The following SRRM4 variants were observed in gnomAD, a reference collection of about 807,000 sequenced individuals.
SRRM4 encodes serine/arginine repetitive matrix protein 4.
SRRM4 carries 33 observed loss-of-function variants against 68.9 expected under a neutral mutation model. The observed-to-expected ratio is 0.48, with a 90% confidence interval of 0.36 to 0.64. The LOEUF is 0.64. Ranked by LOEUF, SRRM4 falls within the 30% of genes least tolerant of loss-of-function variation. SRRM4 has a pLI of 0.00. For missense variants in SRRM4, 817 were observed against 827.1 expected (o/e 0.99, Z 0.15); for synonymous variants, 318 against 318.8 (o/e 1.00, Z 0.03).
intron 1 of SRRM4, among the ~76,000 whole-genome samples, chr12:119,003,298 T>A (rs142410045): frequency 6.6e-6 from 1 of 151,746 alleles, no homozygotes; most frequent in African/African-American, 2.4e-5. Flanking sequence ...TCATCCAATC[T>A]AAGACCCAAA....
chr12:119,008,215 C>A (rs960322527), intron 1 of SRRM4, among the ~76,000 whole-genome samples: 11 of 151,888 alleles, frequency 7.2e-5, no homozygotes, highest in African/African-American at 2.7e-4. Flanking sequence ...ATGACAAAAG[C>A]CTCATCTCTA....
Position 118,981,866 on chromosome 12 carries a change from G to T in SRRM4, c.-17G>T, listed in dbSNP as rs370181611. The T allele has an allele frequency of 2.5e-6, 4 of 1,611,972 alleles. No homozygotes were observed. Among genetic ancestry groups the T allele is most frequent in the South Asian group, 2.2e-5 (2 of 90,682 alleles). On this transcript the variant is annotated 5_prime_UTR_variant, in exon 1 of 13. Transcript: ENST00000267260. ...TTTGGACAGCGCCCCGGACGCCCCG[G>T]CCCCTTTGGGTTGGCGATGGCGAGC...
At chr12:119,025,068 GT>G (rs1269227588) in intron 1 of SRRM4, among the ~76,000 whole-genome samples, 1 of 152,148 alleles carries the variant, frequency 6.6e-6, no homozygotes, top group Non-Finnish European at 1.5e-5. Context: ...TTGGAAGAGT[GT>G]TCTGGGCATT....
chr12:119,114,219 C>T, intron 2 of SRRM4, 59 bp from the exon 3 acceptor site: 1 of 1,484,630 alleles, frequency 6.7e-7, no homozygotes, highest in East Asian at 2.3e-5. Context: ...TGCACCAGCT[C>T]TGGTTGGGGA....
intron 2 of SRRM4, among the ~76,000 whole-genome samples, chr12:119,110,794 C>T (rs984798865): frequency 1.3e-5 from 2 of 152,202 alleles, no homozygotes; most frequent in Admixed American, 1.3e-4. Context: ...GATGCCCCGC[C>T]CTGCTTTGGC....
chr12:119,032,959 C>A (rs1953601381), intron 1 of SRRM4, among the ~76,000 whole-genome samples: 1 of 152,066 alleles, frequency 6.6e-6, no homozygotes, highest in Non-Finnish European at 1.5e-5. Context: ...AACTTTTGAT[C>A]TATAATTATA....
chr12:119,119,694 C>G (rs1954205757), intron 4 of SRRM4, among the ~76,000 whole-genome samples: 1 of 152,066 alleles, frequency 6.6e-6, no homozygotes, highest in Admixed American at 6.5e-5. Flanking sequence ...AGTACAGAAC[C>G]TGGCACACAG....
intron 1 of SRRM4, among the ~76,000 whole-genome samples, chr12:118,986,359 G>A (rs1035578175): frequency 2.0e-5 from 3 of 152,180 alleles, no homozygotes; most frequent in African/African-American, 7.2e-5. Flanking sequence ...CCTTTTGAAA[G>A]GTGAAATTTG....
At position 118,981,689 on chromosome 12, in the gene SRRM4, G is replaced by C. The variant is rs550749853; in HGVS notation, c.-194G>C. 1 of 610,722 alleles carries C rather than the reference G, an allele frequency of 1.6e-6. No individual in the cohort carries two copies. The highest frequency in any genetic ancestry group is 1.9e-5 in the African/African-American group (1 of 53,678). 37.8% of individuals were successfully genotyped at this position (610,722 alleles called of 1,614,324 possible). On this transcript the variant is annotated 5_prime_UTR_variant, in exon 1 of 13. Transcript: ENST00000267260. Reference sequence around the variant, plus strand: ...CCAGAAGGGCGAAGAAAGCCCAGCGGACGAGCCTCCTTTCTCTGCTGCCTG... The same window carrying C: ...CCAGAAGGGCGAAGAAAGCCCAGCGCACGAGCCTCCTTTCTCTGCTGCCTG...
intron 10 of SRRM4, 73 bp from the exon 11 acceptor site, chr12:119,153,466 A>G: frequency 9.8e-7 from 1 of 1,021,214 alleles, no homozygotes; most frequent in Non-Finnish European, 1.5e-6. Context: ...CCCGCTGAAT[A>G]AAGCTCAAGC....
chr12:119,129,872 A>AATGGATGGATGG (rs112594447), intron 7 of SRRM4, among the ~76,000 whole-genome samples: 2,211 of 136,966 alleles, frequency 0.016, 32 homozygotes, highest in Middle Eastern at 0.047. Context: ...TAGTTGGACA[A>AATGGATGGATGG]ATGGATGGAT....
Position 119,160,849 on chromosome 12 carries a change from T to A in SRRM4, c.*4051T>A, listed in dbSNP as rs1362541555. On this transcript the variant is annotated 3_prime_UTR_variant, in exon 13 of 13. Coordinates refer to ENST00000267260, the MANE Select transcript of SRRM4 (RefSeq NM_194286.4). ...ACGAAAAGCAAGATTTGATCTCCCTTCAGTTAATTAGGCAAGGCTAAGTAA... is the reference window on the plus strand; with the variant it reads ...ACGAAAAGCAAGATTTGATCTCCCTACAGTTAATTAGGCAAGGCTAAGTAA... 1.3e-5 allele frequency: 2 copies of A among 152,222 alleles called. No individual in the cohort carries two copies. The highest frequency in any genetic ancestry group is 2.9e-5 in the Non-Finnish European group (2 of 68,046). The allele number at this position is 152,222 out of a possible 1,614,324, so 9.4% of individuals were successfully genotyped here.
intron 1 of SRRM4, among the ~76,000 whole-genome samples, chr12:119,015,413 A>T (rs142874828): frequency 1.3e-5 from 2 of 152,282 alleles, no homozygotes; most frequent in Non-Finnish European, 1.5e-5. Flanking sequence ...GTGATCAATT[A>T]TAAACCAAAC....
intron 1 of SRRM4, among the ~76,000 whole-genome samples, chr12:119,002,256 T>G (rs1350037995): frequency 6.6e-6 from 1 of 152,196 alleles, no homozygotes; most frequent in Non-Finnish European, 1.5e-5. Context: ...AAGTTTCTCT[T>G]TGATCTTTGA....
intron 1 of SRRM4, among the ~76,000 whole-genome samples, chr12:118,994,467 T>C (rs1470029074): frequency 1.3e-5 from 2 of 152,122 alleles, no homozygotes; most frequent in Non-Finnish European, 2.9e-5. Flanking sequence ...CTACCCCTAC[T>C]CTAGTTCTTA....
At position 118,982,028 on chromosome 12, in the gene SRRM4, C is replaced by T; in HGVS notation, c.131+15C>T. 1 of 1,601,916 alleles carries T rather than the reference C, an allele frequency of 6.2e-7. No homozygotes were observed. The highest frequency in any genetic ancestry group is 8.5e-7 in the Non-Finnish European group (1 of 1,174,258). On this transcript the variant is annotated intron_variant, in intron 1 of 12. Transcript: ENST00000267260. ...CCGCTGCCAAGGTAATGATCTCCTT[C>T]TTAGAAGGGGGGATCCTGAAGGTCC...
At chr12:119,070,606 T>A (rs1268366502) in intron 1 of SRRM4, among the ~76,000 whole-genome samples, 1 of 152,104 alleles carries the variant, frequency 6.6e-6, no homozygotes, top group Admixed American at 6.5e-5. Flanking sequence ...ATAGGAAAAC[T>A]AAGGCCAAGA....
rs766424568 is a variant in SRRM4 at position 118,981,873 on chromosome 12, T to C, written c.-10T>C. 9 of 1,612,926 alleles carry C rather than the reference T, an allele frequency of 5.6e-6. No homozygotes were observed. The Admixed American group carries it at 1.5e-4, about 27-fold the overall frequency. On this transcript the variant is annotated 5_prime_UTR_variant, in exon 1 of 13. Transcript: ENST00000267260. ...AGCGCCCCGGACGCCCCGGCCCCTT[T>C]GGGTTGGCGATGGCGAGCGTTCAGC...
Position 119,049,400 on chromosome 12 carries a change from A to G in SRRM4, c.132-52836A>G, listed in dbSNP as rs570826097. 1.3e-4 allele frequency among the ~76,000 whole-genome samples: 20 copies of G among 152,336 alleles called. No homozygotes were observed. In the South Asian group the frequency reaches 3.7e-3, roughly 28 times the overall value. ...GAGGAAAGTGATAAAATGAAATTAGAGAAATAACAGGGAGCCAATTTGTAT... is the reference window on the plus strand; with the variant it reads ...GAGGAAAGTGATAAAATGAAATTAGGGAAATAACAGGGAGCCAATTTGTAT... On this transcript the variant is annotated intron_variant, in intron 1 of 12. Transcript: ENST00000267260.
Sources: gnomAD v4.1 joint callset for allele counts (sites outside exome capture counted in the v4.1 genomes callset) on GRCh38, gnomAD v4.1.1 for gene constraint, MANE v1.5 for transcripts, NCBI Gene and HGNC (gene_info 2026-07-23, HGNC 2026-07-21) for gene names.